YTHDC2: variants seen among roughly 807,000 people sequenced by gnomAD.
The protein encoded by YTHDC2 is 3'-5' RNA helicase YTHDC2.
YTHDC2 carries 45 observed loss-of-function variants against 174.9 expected under a neutral mutation model. That is an observed-to-expected ratio of 0.26 (90% CI 0.20 to 0.33). The LOEUF is 0.33. Among genes scored for constraint, YTHDC2 ranks in the 10% least tolerant of loss-of-function variants. The pLI is 1.00. For missense variants in YTHDC2, 1,650 were observed against 1,723.7 expected (o/e 0.96, Z 0.76); for synonymous variants, 657 against 574.5 (o/e 1.14, Z -2.05).
At chr5:113,541,141 C>A (rs772097682) in intron 9 of YTHDC2, 25 bp downstream of exon 9, 2 of 1,610,940 alleles carry the variant, frequency 1.2e-6, no homozygotes, top group South Asian at 2.2e-5. Flanking sequence ...GTTTCCCACT[C>A]ATATTTTGTG....
chr5:113,572,056 A>G (rs1461531963), intron 23 of YTHDC2, among the ~76,000 whole-genome samples: 1 of 152,040 alleles, frequency 6.6e-6, no homozygotes, highest in Admixed American at 6.6e-5. Flanking sequence ...TTAAATTGAG[A>G]TGTTAGGTGG....
intron 17 of YTHDC2, chr5:113,556,492 G>A (rs571882379): frequency 4.3e-5 from 7 of 161,210 alleles, no homozygotes; most frequent in South Asian, 2.0e-4. Flanking sequence ...TGGATAAAGG[G>A]CACAAATAGG....
At chr5:113,561,879 T>A (rs1412277006) in intron 18 of YTHDC2, among the ~76,000 whole-genome samples, 1 of 152,100 alleles carries the variant, frequency 6.6e-6, no homozygotes, top group Non-Finnish European at 1.5e-5. Flanking sequence ...AATATCCAAA[T>A]CTCACTATAA....
In YTHDC2 at chr5:113,553,175, TTTC is replaced by T. The variant is rs775089773; in HGVS notation, c.1689-5_1689-3del. The T allele has an allele frequency of 5.6e-4, 794 of 1,407,086 alleles. 1 individual carries two copies. The highest frequency in any genetic ancestry group is 1.4e-3 in the Admixed American group (41 of 30,046). 87.2% of individuals were successfully genotyped at this position (1,407,086 alleles called of 1,614,324 possible). On this transcript the variant is annotated splice_polypyrimidine_tract_variant and splice_region_variant and intron_variant, in intron 12 of 29. Transcript: ENST00000161863. ...ACTTTGTCTTTTTTTTTTTTTTTTT[TTTC>T]AGTGCTACACTGGAATTTGGAAATC...
At position 113,567,781 on chromosome 5, in the gene YTHDC2, C is replaced by A; in HGVS notation, c.3176C>A (p.Thr1059Asn). 1 of 1,607,430 alleles carries A rather than the reference C, an allele frequency of 6.2e-7. No individual in the cohort carries two copies. Residue 1059 changes from threonine to asparagine, a missense_variant, in exon 23 of 30, where the codon ACT (threonine) becomes AAT (asparagine). Thr to Asn is a moderately conservative substitution (Grantham distance 65). Coordinates refer to ENST00000161863, the MANE Select transcript of YTHDC2 (RefSeq NM_022828.5). ...TGTTGTTCAGCAGTGACGCCTGTCACTATATTGGTATTCTGTGGACCAGCT... is the reference window on the plus strand; with the variant it reads ...TGTTGTTCAGCAGTGACGCCTGTCAATATATTGGTATTCTGTGGACCAGCT... Reference protein sequence around the residue: ...IRCCSAVTPVTILVFCGPARL... With the variant: ...IRCCSAVTPVNILVFCGPARL...
intron 19 of YTHDC2, 92 bp from the exon 20 acceptor site, chr5:113,563,765 CTA>C: frequency 7.1e-7 from 1 of 1,406,728 alleles, no homozygotes; most frequent in African/African-American, 1.4e-5. Context: ...AAAAGAAAAT[CTA>C]TATTCTTATT....
At chr5:113,584,815 T>TA (rs1778589737) in intron 26 of YTHDC2, among the ~76,000 whole-genome samples, 1 of 150,298 alleles carries the variant, frequency 6.7e-6, no homozygotes, top group South Asian at 2.1e-4. Flanking sequence ...CCCACTCTTT[T>TA]ACCCAGGCTG....
chr5:113,588,025 A>C (rs1778788130), intron 26 of YTHDC2, among the ~76,000 whole-genome samples: 1 of 152,128 alleles, frequency 6.6e-6, no homozygotes, highest in Non-Finnish European at 1.5e-5. Flanking sequence ...ACTGTTCTTT[A>C]GAATTTTAAT....
chr5:113,565,826 T>C (rs769531541), intron 20 of YTHDC2, 67 bp from the exon 21 acceptor site: 24 of 1,515,348 alleles, frequency 1.6e-5, no homozygotes, highest in Non-Finnish European at 2.1e-5. Context: ...GATTTGTAGT[T>C]ACTTGTTGCC....
At chr5:113,576,114 A>G (rs567881305) in intron 23 of YTHDC2, among the ~76,000 whole-genome samples, 89 of 152,160 alleles carry the variant, frequency 5.8e-4, no homozygotes, top group Non-Finnish European at 1.2e-3. Flanking sequence ...ATTTTTTTTT[A>G]GGAAGCAGTT....
chr5:113,550,546 G>A (rs1467985049), intron 12 of YTHDC2, among the ~76,000 whole-genome samples: 2 of 152,154 alleles, frequency 1.3e-5, no homozygotes, highest in African/African-American at 2.4e-5. Context: ...GGTGGAAAGT[G>A]TAGGGAAGTG....
Position 113,581,678 on chromosome 5 carries a change from G to A in YTHDC2, c.3616G>A (p.Glu1206Lys), listed in dbSNP as rs886933250. ...NNSRKSSADT[E>K]FSDECTTAER... Reference sequence around the variant, plus strand: ...TAGTAGGAAAAGTTCAGCAGATACTGAATTTTCTGATGAGTGTACTACTGC... The same window carrying A: ...TAGTAGGAAAAGTTCAGCAGATACTAAATTTTCTGATGAGTGTACTACTGC... The change falls in exon 25 of 30, where the codon GAA (glutamate) becomes AAA (lysine). Residue 1206 changes from glutamate to lysine, a missense_variant. Glu to Lys is a moderately conservative substitution (Grantham distance 56). Coordinates refer to ENST00000161863, the MANE Select transcript of YTHDC2 (RefSeq NM_022828.5). The A allele has an allele frequency of 6.2e-6, 10 of 1,607,766 alleles. No individual in the cohort carries two copies. Among genetic ancestry groups the A allele is most frequent in the Non-Finnish European group, 7.6e-6 (9 of 1,177,860 alleles).
intron 18 of YTHDC2, among the ~76,000 whole-genome samples, chr5:113,562,620 T>C (rs1243867749): frequency 2.0e-5 from 3 of 152,152 alleles, no homozygotes; most frequent in African/African-American, 7.2e-5. Context: ...TTGGTTTTAG[T>C]TTCTCAAGCA....
Position 113,584,484 on chromosome 5 carries a change from G to T in YTHDC2, c.3825+5G>T, listed in dbSNP as rs897579369. 1.1e-5 allele frequency: 18 copies of T among 1,600,074 alleles called. No individual in the cohort carries two copies. In the African/African-American group the frequency reaches 1.7e-4, roughly 16 times the overall value. On this transcript the variant is annotated splice_donor_5th_base_variant and intron_variant, in intron 26 of 29. Coordinates refer to ENST00000161863, the MANE Select transcript of YTHDC2 (RefSeq NM_022828.5). The stretch of plus-strand genomic sequence containing the variant: ...TCTCCTCCATCCTCAGGAAAGGTAA[G>T]AGTATCTGAAAGAAAATGTAGTAAG...
At chr5:113,569,852 A>C (rs1561687723) in intron 23 of YTHDC2, among the ~76,000 whole-genome samples, 2 of 152,008 alleles carry the variant, frequency 1.3e-5, no homozygotes, top group Non-Finnish European at 2.9e-5. Context: ...AAGAATTTTG[A>C]AATCGTTTCT....
chr5:113,567,141 C>T lies in YTHDC2; in HGVS notation c.2892C>T (p.Asn964=). ...GTGACATTCGGGACGTTAACACAAACTCTGAGAATTGGGCTGTCGTTAAAG... is the reference window on the plus strand; with the variant it reads ...GTGACATTCGGGACGTTAACACAAATTCTGAGAATTGGGCTGTCGTTAAAG... The part of the protein sequence containing the change: ...GGGDIRDVNT[N]SENWAVVKAA... Residue 964 remains asparagine (N), a synonymous_variant, in exon 22 of 30, where the codon AAC becomes AAT. Transcript: ENST00000161863. 1 of 1,613,826 alleles carries T rather than the reference C, an allele frequency of 6.2e-7. No individual in the cohort carries two copies. The highest frequency in any genetic ancestry group is 1.1e-5 in the South Asian group (1 of 91,066).
At chr5:113,520,614 A>T (rs1773797986) in intron 2 of YTHDC2, among the ~76,000 whole-genome samples, 1 of 151,944 alleles carries the variant, frequency 6.6e-6, no homozygotes, top group African/African-American at 2.4e-5. Context: ...GAAAGGATAG[A>T]CCTTGACCTG....
intron 28 of YTHDC2, 99 bp from the exon 29 acceptor site, chr5:113,593,204 T>C: frequency 2.5e-6 from 2 of 800,912 alleles, no homozygotes; most frequent in South Asian, 1.7e-5. Context: ...AAATGAAATT[T>C]AAAGTGATTT....
intron 4 of YTHDC2, among the ~76,000 whole-genome samples, chr5:113,532,064 A>G (rs1224089614): frequency 6.6e-6 from 1 of 152,208 alleles, no homozygotes. Context: ...AACATCAATA[A>G]CAAACCTAGA....
Sources: allele counts gnomAD v4.1 joint callset (sites outside exome capture counted in the v4.1 genomes callset), GRCh38; gene constraint gnomAD v4.1.1; transcripts MANE v1.5; gene names NCBI Gene and HGNC (gene_info 2026-07-23, HGNC 2026-07-21).